Variants in CCDC80 observed in about 807,000 individuals in gnomAD.
CCDC80 encodes the protein coiled-coil domain-containing protein 80.
A neutral mutation model predicts 78.7 loss-of-function variants in CCDC80; 49 were observed. The observed-to-expected ratio is 0.62, with a 90% CI of 0.50 to 0.79. The LOEUF is 0.79. CCDC80 is among the 30% of genes least tolerant of loss of function. The pLI is 0.00. For synonymous variants in CCDC80, 488 were observed against 447.0 expected (o/e 1.09, Z -1.16); for missense variants, 1,205 against 1,198.6 (o/e 1.01, Z -0.08).
intron 3 of CCDC80, among the ~76,000 whole-genome samples, chr3:112,626,619 C>G (rs544578421): frequency 1.3e-5 from 2 of 152,120 alleles, no homozygotes; most frequent in Non-Finnish European, 2.9e-5. Flanking sequence ...ATAATCTTGG[C>G]TCACTGCAAC....
intron 5 of CCDC80, among the ~76,000 whole-genome samples, chr3:112,615,236 G>A (rs1458125317): frequency 1.3e-5 from 2 of 152,074 alleles, no homozygotes; most frequent in East Asian, 1.9e-4. Flanking sequence ...GTAGAAATTC[G>A]GTTTATCCAC....
intron 2 of CCDC80, among the ~76,000 whole-genome samples, chr3:112,630,940 C>T (rs72943910): frequency 0.026 from 3,922 of 152,112 alleles, 170 homozygotes; most frequent in African/African-American, 0.089. Flanking sequence ...TTAGCCCTCT[C>T]TTTGGTTCAG....
rs143680936 is a variant in CCDC80 at position 112,614,693 on chromosome 3, C to T, written c.2321+2017G>A. ...AAGAGCCTTGGGTTCCTTTCAGGGC[C>T]GAAATTCTGTGGTTTTAAGAGTATC... On this transcript the variant is annotated intron_variant, in intron 5 of 7. Transcript: ENST00000206423. 2.9e-3 allele frequency among the ~76,000 whole-genome samples: 441 copies of T among 152,218 alleles called. 2 individuals are homozygous for T. The highest frequency in any genetic ancestry group is 4.8e-3 in the Non-Finnish European group (329 of 68,008).
chr3:112,626,144 C>T (rs571794635), intron 3 of CCDC80, among the ~76,000 whole-genome samples: 99 of 152,172 alleles, frequency 6.5e-4, no homozygotes, highest in Non-Finnish European at 1.2e-3. Context: ...ATGTTGGAGG[C>T]AGCAAGGGCA....
chr3:112,626,498 TTTTAG>T (rs1165049644), intron 3 of CCDC80, among the ~76,000 whole-genome samples: 1 of 152,190 alleles, frequency 6.6e-6, no homozygotes, highest in African/African-American at 2.4e-5. Context: ...AGAAAGGGTA[TTTTAG>T]ACTGATTTGT....
chr3:112,618,378 G>T (rs1576785689), intron 4 of CCDC80, among the ~76,000 whole-genome samples: 1 of 152,074 alleles, frequency 6.6e-6, no homozygotes, highest in Non-Finnish European at 1.5e-5. Flanking sequence ...AATAAAATTA[G>T]CCGGGTGTGG....
intron 2 of CCDC80, among the ~76,000 whole-genome samples, chr3:112,634,732 G>A (rs1936170708): frequency 6.6e-6 from 1 of 152,072 alleles, no homozygotes; most frequent in African/African-American, 2.4e-5. Context: ...TTATTAACTG[G>A]CAAGATCATT....
In CCDC80 at chr3:112,605,505, C is replaced by T. The variant is rs749944346; in HGVS notation, c.2765G>A (p.Gly922Asp). Residue 922 changes from glycine (G) to aspartate (D), a missense_variant, in exon 8 of 8, where the codon GGT becomes GAT. Coordinates refer to ENST00000206423, the MANE Select transcript of CCDC80 (RefSeq NM_199511.3). The part of the protein sequence containing the change: ...RCPEDEYAGY[G>D]YHSYHQGYQD... ...GTATCCTTGGTGGTAACTATGGTAA[C>T]CATAGCCTGCATACTCATCTTCTGG... is the stretch of plus-strand genomic sequence containing the variant. The T allele has an allele frequency of 6.2e-7, 1 of 1,614,152 alleles. No homozygotes were observed. The highest frequency in any genetic ancestry group is 8.5e-7 in the Non-Finnish European group (1 of 1,180,022).
At chr3:112,623,609 T>C (rs941651710) in intron 3 of CCDC80, among the ~76,000 whole-genome samples, 1 of 152,232 alleles carries the variant, frequency 6.6e-6, no homozygotes, top group Non-Finnish European at 1.5e-5. Flanking sequence ...CCCAGGAATC[T>C]GCATTTAAAA....
At chr3:112,607,136 T>G (rs1218883157) in intron 7 of CCDC80, 40 bp downstream of exon 7, 1 of 1,437,832 alleles carries the variant, frequency 7.0e-7, no homozygotes, top group East Asian at 2.3e-5. Context: ...TAACTGAACT[T>G]AACACTAGTT....
rs944476407 is a variant in CCDC80 at position 112,611,464 on chromosome 3, C to T, written c.2322-1383G>A. 1.1e-4 allele frequency among the ~76,000 whole-genome samples: 17 copies of T among 152,300 alleles called. No homozygotes were observed. The East Asian group carries it at 2.5e-3, about 22-fold the overall frequency. ...TCATTTTATAGCTCACTTTCACCAA[C>T]GCAATATGGTTCTTCATTAGAGCTC... is the stretch of plus-strand genomic sequence containing the variant. On this transcript the variant is annotated intron_variant, in intron 5 of 7. Coordinates refer to ENST00000206423, the MANE Select transcript of CCDC80 (RefSeq NM_199511.3).
In CCDC80 at chr3:112,639,548, C is replaced by T. The variant is rs371697196; in HGVS notation, c.358G>A (p.Asp120Asn). 1 of 1,614,082 alleles carries T rather than the reference C, an allele frequency of 6.2e-7. No homozygotes were observed. The highest frequency in any genetic ancestry group is 8.5e-7 in the Non-Finnish European group (1 of 1,180,054). ...ARGSPREMIR[D>N]EGSSARSRML... ...CTTGACCGAGCTGAGGACCCCTCAT[C>T]TCTGATCATCTCACGCGGAGAGCCC... The change falls in exon 2 of 8, where the codon GAT (aspartate) becomes AAT (asparagine). Residue 120 changes from aspartate to asparagine, a missense_variant. By Grantham distance (23) the Asp-to-Asn change is conservative. Transcript: ENST00000206423.
chr3:112,634,664 T>G (rs1363392595), intron 2 of CCDC80, among the ~76,000 whole-genome samples: 1 of 152,228 alleles, frequency 6.6e-6, no homozygotes, highest in East Asian at 1.9e-4. Context: ...GACTCAAGGT[T>G]GACAATGAAT....
At chr3:112,609,365 G>T (rs914497475) in intron 6 of CCDC80, among the ~76,000 whole-genome samples, 1 of 152,152 alleles carries the variant, frequency 6.6e-6, no homozygotes, top group Non-Finnish European at 1.5e-5. Context: ...ACAAAAAACA[G>T]TAAACTATGT....
chr3:112,640,208 G>T, intron 1 of CCDC80, 119 bp downstream of exon 1: 1 of 343,490 alleles, frequency 2.9e-6, no homozygotes, highest in African/African-American at 2.1e-5. Context: ...TGCTCTGGAT[G>T]CTCCAAAGAA....
At position 112,611,554 on chromosome 3, in the gene CCDC80, A is replaced by G. The variant is rs143425523; in HGVS notation, c.2322-1473T>C. 2.0e-4 allele frequency among the ~76,000 whole-genome samples: 30 copies of G among 152,316 alleles called. 1 individual carries two copies. The East Asian group carries it at 2.3e-3, about 12-fold the overall frequency. ...AAAACAAGGCTTAGAGAAGTGAATA[A>G]CTTGCCCAACTAGTAAATCTAAGAG... On this transcript the variant is annotated intron_variant, in intron 5 of 7. Transcript: ENST00000206423.
chr3:112,635,163 T>C (rs1267684425), intron 2 of CCDC80, among the ~76,000 whole-genome samples: 1 of 152,206 alleles, frequency 6.6e-6, no homozygotes, highest in Admixed American at 6.5e-5. Flanking sequence ...CTGTAATTGT[T>C]AAGTAGCAGT....
rs555916892 is a variant in CCDC80, at chr3:112,615,923, C to G, written c.2321+787G>C. On this transcript the variant is annotated intron_variant, in intron 5 of 7. Transcript: ENST00000206423. ...AGAAATAACCATAAAAATGGGCAAG[C>G]AGCAGCCCTCGGGGCTGCTCTGTCT... 3.3e-5 allele frequency among the ~76,000 whole-genome samples: 5 copies of G among 152,294 alleles called. No homozygotes were observed. In the South Asian group the frequency reaches 1.0e-3, roughly 32 times the overall value.
chr3:112,618,554 A>G (rs966086457), intron 4 of CCDC80, among the ~76,000 whole-genome samples: 1 of 151,180 alleles, frequency 6.6e-6, no homozygotes, highest in Non-Finnish European at 1.5e-5. Flanking sequence ...ACAACCCCAA[A>G]CTCTTGTCCA....
Sources: allele counts gnomAD v4.1 joint callset (sites outside exome capture counted in the v4.1 genomes callset), GRCh38; gene constraint gnomAD v4.1.1; transcripts MANE v1.5; gene names NCBI Gene and HGNC (gene_info 2026-07-23, HGNC 2026-07-21).